The following TCTN3 variants were observed in gnomAD, a reference collection of about 807,000 sequenced individuals.
TCTN3 encodes the protein tectonic-3.
A neutral mutation model predicts 71.3 loss-of-function variants in TCTN3; 57 were observed. The observed-to-expected ratio is 0.80, with a 90% CI of 0.65 to 1.00. The LOEUF is 1.00. TCTN3 is among the 50% of genes least tolerant of loss of function. TCTN3 has a pLI of 0.00. For missense variants in TCTN3, 696 were observed against 719.9 expected (o/e 0.97, Z 0.38); for synonymous variants, 258 against 267.8 (o/e 0.96, Z 0.36).
chr10:95,684,716 T>C, intron 8 of TCTN3, 92 bp from the exon 9 acceptor site: 1 of 1,410,724 alleles, frequency 7.1e-7, no homozygotes, highest in East Asian at 2.4e-5. Context: ...GGTGTTATTA[T>C]AACTAAATGA....
chr10:95,686,424 G>T, intron 7 of TCTN3, 71 bp downstream of exon 7: 1 of 1,479,212 alleles, frequency 6.8e-7, no homozygotes, highest in South Asian at 1.1e-5. Flanking sequence ...GTACAACTTA[G>T]ACTAAAATTG....
Position 95,693,410 on chromosome 10 carries a change from T to C in TCTN3, c.323A>G (p.Asp108Gly), listed in dbSNP as rs1327911768. The C allele has an allele frequency of 1.9e-6, 3 of 1,551,972 alleles. No individual in the cohort carries two copies. In the Admixed American group the frequency reaches 5.9e-5, roughly 30 times the overall value. ...TGTCCTCGGATGGAGAAGATAGCAG[T>C]CCCTGTCGCAGCAGCAATTTATATC... is the stretch of plus-strand genomic sequence containing the variant. Reference protein sequence around the residue: ...ACDINCCCDRDCYLLHPRTVF... With the variant: ...ACDINCCCDRGCYLLHPRTVF... The change falls in exon 2 of 14, where the codon GAC becomes GGC. Residue 108 changes from aspartate to glycine, a missense_variant. Coordinates refer to ENST00000371217, the MANE Select transcript of TCTN3 (RefSeq NM_015631.6).
intron 13 of TCTN3, among the ~76,000 whole-genome samples, chr10:95,679,470 G>C (rs75074759): frequency 0.012 from 1,896 of 152,066 alleles, 51 homozygotes; most frequent in African/African-American, 0.044. Flanking sequence ...TTATTTCTGG[G>C]ATGTAAGTAC....
chr10:95,665,453 G>A (rs2097924811), intron 13 of TCTN3, among the ~76,000 whole-genome samples: 1 of 151,988 alleles, frequency 6.6e-6, no homozygotes, highest in Admixed American at 6.6e-5. Flanking sequence ...TAATTTTTTT[G>A]TATTTTTAGT....
Position 95,693,628 on chromosome 10 carries a change from C to CAACGTTTTCCCTCACCTGGGAAGAGGT in TCTN3, c.245_256+15dup. On this transcript the variant is annotated intron_variant, in intron 1 of 13. Coordinates refer to ENST00000371217, the MANE Select transcript of TCTN3 (RefSeq NM_015631.6). Reference sequence around the variant, plus strand: ...TCTCAGAAGTAAGTTTCCACCCCCACAACGTTTTCCCTCACCTGGGAAGAG... The same window carrying CAACGTTTTCCCTCACCTGGGAAGAGGT: ...TCTCAGAAGTAAGTTTCCACCCCCACAACGTTTTCCCTCACCTGGGAAGAGGTAACGTTTTCCCTCACCTGGGAAGAG... The CAACGTTTTCCCTCACCTGGGAAGAGGT allele has an allele frequency of 6.5e-7, 1 of 1,548,882 alleles. No individual in the cohort carries two copies. Among genetic ancestry groups the CAACGTTTTCCCTCACCTGGGAAGAGGT allele is most frequent in the East Asian group, 2.4e-5 (1 of 40,914 alleles).
intron 13 of TCTN3, among the ~76,000 whole-genome samples, chr10:95,677,923 T>C (rs78656745): frequency 6.6e-6 from 1 of 152,348 alleles, no homozygotes; most frequent in Non-Finnish European, 1.5e-5. Flanking sequence ...TTCTTAAATG[T>C]TGGCATAAAC....
chr10:95,688,405 A>G (rs910311727), intron 3 of TCTN3, among the ~76,000 whole-genome samples: 3 of 148,300 alleles, frequency 2.0e-5, no homozygotes, highest in Non-Finnish European at 4.5e-5. Flanking sequence ...AAGAAAAAAA[A>G]AAAAAAAAAA....
intron 12 of TCTN3, 42 bp downstream of exon 12, chr10:95,682,609 G>A (rs369799096): frequency 3.8e-6 from 6 of 1,589,068 alleles, no homozygotes; most frequent in Non-Finnish European, 5.1e-6. Context: ...TTACAAAGGG[G>A]TAAAAATGAG....
chr10:95,671,904 T>C (rs538275961), intron 13 of TCTN3, among the ~76,000 whole-genome samples: 1 of 152,238 alleles, frequency 6.6e-6, no homozygotes, highest in South Asian at 2.1e-4. Context: ...CCTCTCATGT[T>C]TTTTTAAATG....
At chr10:95,691,319 ATT>A (rs886222516) in intron 3 of TCTN3, among the ~76,000 whole-genome samples, 19 of 152,064 alleles carry the variant, frequency 1.2e-4, no homozygotes, top group African/African-American at 4.3e-4. Context: ...TGCCTGGATA[ATT>A]TTTTGTTTTT....
intron 8 of TCTN3, among the ~76,000 whole-genome samples, chr10:95,685,270 G>T (rs988999183): frequency 2.4e-4 from 37 of 152,332 alleles, no homozygotes; most frequent in Non-Finnish European, 3.1e-4. Flanking sequence ...AATACTGGAG[G>T]ATGGTGGTGA....
intron 13 of TCTN3, among the ~76,000 whole-genome samples, chr10:95,676,136 T>C (rs752241229): frequency 5.9e-5 from 9 of 152,170 alleles, no homozygotes; most frequent in African/African-American, 9.7e-5. Flanking sequence ...TTATGAAATA[T>C]AGTCAGAGAT....
At chr10:95,685,744 C>T in intron 7 of TCTN3, 108 bp from the exon 8 acceptor site, 2 of 721,524 alleles carry the variant, frequency 2.8e-6, no homozygotes, top group Non-Finnish European at 2.3e-6. Flanking sequence ...CCTTGACCAC[C>T]CTCTCTCTCT....
chr10:95,682,100 TG>T (rs1566071257), intron 12 of TCTN3, among the ~76,000 whole-genome samples: 1 of 141,996 alleles, frequency 7.0e-6, no homozygotes, highest in African/African-American at 2.7e-5. Context: ...GGGGCTGAGG[TG>T]GGAGGATAGC....
At chr10:95,686,673 C>T (rs757016818) in intron 6 of TCTN3, 143 bp from the exon 7 acceptor site, 6 of 773,640 alleles carry the variant, frequency 7.8e-6, no homozygotes, top group South Asian at 7.1e-5. Context: ...CTCTATTCCA[C>T]CTGACTCTTC....
intron 13 of TCTN3, among the ~76,000 whole-genome samples, chr10:95,670,524 A>C (rs2097929958): frequency 1.3e-5 from 2 of 150,034 alleles, no homozygotes; most frequent in African/African-American, 4.9e-5. Context: ...TTGCACATCT[A>C]ATTTTTTGTA....
chr10:95,673,371 T>TA (rs772775370), intron 13 of TCTN3, among the ~76,000 whole-genome samples: 9 of 152,148 alleles, frequency 5.9e-5, no homozygotes, highest in Non-Finnish European at 1.3e-4. Flanking sequence ...AGATACAAGT[T>TA]AGAGTTCATT....
At chr10:95,682,983 A>C (rs2097944545) in intron 11 of TCTN3, 118 bp downstream of exon 11, 1 of 1,257,736 alleles carries the variant, frequency 8.0e-7, no homozygotes, top group South Asian at 1.4e-5. Flanking sequence ...TTTAGACTAA[A>C]AGACTATTCC....
At chr10:95,686,472 T>C in intron 7 of TCTN3, 23 bp downstream of exon 7, 2 of 1,613,348 alleles carry the variant, frequency 1.2e-6, no homozygotes, top group Non-Finnish European at 1.7e-6. Flanking sequence ...TTTTTCTTTT[T>C]TCCTGGTACA....
Sources: gnomAD v4.1 joint callset for allele counts (sites outside exome capture counted in the v4.1 genomes callset) on GRCh38, gnomAD v4.1.1 for gene constraint, MANE v1.5 for transcripts, NCBI Gene and HGNC (gene_info 2026-07-23, HGNC 2026-07-21) for gene names.